Variants in DMD observed in about 807,000 individuals in gnomAD.
The protein encoded by DMD is mutant dystrophin.
A neutral mutation model predicts 330.1 loss-of-function variants in DMD; 63 were observed. The observed-to-expected ratio is 0.19, with a 90% CI of 0.16 to 0.24. DMD has a LOEUF of 0.24. Ranked by LOEUF, DMD falls within the 10% of genes least tolerant of loss-of-function variation. The probability of loss-of-function intolerance (pLI) is 1.00; values close to 1 mark genes in which losing one functional copy is unlikely to be tolerated. For synonymous variants in DMD, 1,223 were observed against 959.8 expected (o/e 1.27, Z -5.07); for missense variants, 3,344 against 2,684.1 (o/e 1.25, Z -5.43).
At chrX:32,620,654 T>C (rs1267010476) in intron 11 of DMD, among the ~76,000 whole-genome samples, 1 of 112,096 alleles carries the variant, frequency 8.9e-6, no homozygotes, top group Non-Finnish European at 1.9e-5. Flanking sequence ...CTTTTTGCTT[T>C]TGGACAGACA....
intron 7 of DMD, among the ~76,000 whole-genome samples, chrX:32,733,555 C>A: frequency 9.0e-6 from 1 of 111,369 alleles, no homozygotes. Flanking sequence ...GAAATTATAA[C>A]AAACTATCTC....
At chrX:32,332,037 T>G (rs772906096) in intron 41 of DMD, among the ~76,000 whole-genome samples, 1 of 111,833 alleles carries the variant, frequency 8.9e-6, no homozygotes, top group South Asian at 3.7e-4. Context: ...ATAGCTTGTC[T>G]TTATTTTTCC....
intron 59 of DMD, among the ~76,000 whole-genome samples, chrX:31,452,188 A>G (rs184654840): frequency 9.5e-6 from 1 of 105,398 alleles, no homozygotes; most frequent in Non-Finnish European, 1.9e-5. Context: ...TATTTTAACT[A>G]TGGTTTCTTC....
intron 47 of DMD, among the ~76,000 whole-genome samples, chrX:31,881,904 C>T (rs774967753): frequency 5.8e-4 from 65 of 111,683 alleles, no homozygotes; most frequent in Non-Finnish European, 1.0e-3. Flanking sequence ...TAATTCAGAC[C>T]GAAAAGTTAA....
intron 11 of DMD, among the ~76,000 whole-genome samples, chrX:32,631,913 C>A (rs1030197749): frequency 1.8e-5 from 2 of 111,226 alleles, no homozygotes; most frequent in African/African-American, 6.6e-5. Flanking sequence ...CCTGGCCCCT[C>A]CCAAATCTCA....
chrX:31,883,445 T>A (rs763652298), intron 47 of DMD, among the ~76,000 whole-genome samples: 17 of 111,425 alleles, frequency 1.5e-4, no homozygotes, highest in African/African-American at 5.5e-4. Flanking sequence ...TCTATTCTTA[T>A]GATTTGTGTA....
At chrX:32,459,271 T>A (rs2098374125) in intron 25 of DMD, among the ~76,000 whole-genome samples, 1 of 110,937 alleles carries the variant, frequency 9.0e-6, no homozygotes, top group Non-Finnish European at 1.9e-5. Context: ...TATACGCTTA[T>A]CCCCAAACTA....
intron 47 of DMD, among the ~76,000 whole-genome samples, chrX:31,885,638 G>GAA (rs759868987): frequency 8.6e-5 from 7 of 81,317 alleles, no homozygotes; most frequent in Admixed American, 1.5e-4. Context: ...AAAAAAAAAA[G>GAA]AAAAAAAAAG....
chrX:32,509,101 T>C (rs746452101), intron 18 of DMD, among the ~76,000 whole-genome samples: 6 of 107,541 alleles, frequency 5.6e-5, no homozygotes, highest in Admixed American at 2.0e-4. Context: ...TGAGCCACCG[T>C]GCCTGGCCAC....
chrX:32,575,922 A>T (rs808569), intron 13 of DMD, among the ~76,000 whole-genome samples: 29,357 of 111,290 alleles, frequency 0.26, 3,136 homozygotes, highest in East Asian at 0.72. Context: ...CTAGTGCTAC[A>T]AGACATATAG....
At chrX:33,072,113 G>C (rs1274374586) in intron 1 of DMD, among the ~76,000 whole-genome samples, 1 of 112,001 alleles carries the variant, frequency 8.9e-6, no homozygotes, top group African/African-American at 3.2e-5. Context: ...AAAGGCATGT[G>C]ATGGTTAAGA....
chrX:31,206,045 A>G (rs1258400952), intron 66 of DMD, among the ~76,000 whole-genome samples: 1 of 112,589 alleles, frequency 8.9e-6, no homozygotes, highest in Non-Finnish European at 1.9e-5. Flanking sequence ...ATCAAAAGGA[A>G]ATTCTGTAGG....
At chrX:31,529,916 T>G (rs1315073458) in intron 55 of DMD, among the ~76,000 whole-genome samples, 1 of 104,683 alleles carries the variant, frequency 9.6e-6, no homozygotes, top group Admixed American at 1.1e-4. Context: ...AAAAAAAGAA[T>G]GCGAGTGAAT....
At chrX:32,768,930 A>C (rs982068416) in intron 7 of DMD, among the ~76,000 whole-genome samples, 11 of 111,903 alleles carry the variant, frequency 9.8e-5, no homozygotes, top group African/African-American at 3.6e-4. Flanking sequence ...TTTCATGAGC[A>C]CACATCCCCT....
chrX:32,264,780 T>A (rs1435104553), intron 43 of DMD, among the ~76,000 whole-genome samples: 1 of 111,733 alleles, frequency 8.9e-6, no homozygotes, highest in Non-Finnish European at 1.9e-5. Flanking sequence ...CTGTGGAATT[T>A]TGAACATGAG....
At chrX:32,230,829 ATAGT>A (rs2097166626) in intron 43 of DMD, among the ~76,000 whole-genome samples, 2 of 112,006 alleles carry the variant, frequency 1.8e-5, no homozygotes, top group Admixed American at 9.5e-5. Flanking sequence ...TTCTGAGCCC[ATAGT>A]AAGTGCTCAA....
intron 25 of DMD, among the ~76,000 whole-genome samples, chrX:32,460,116 GA>G (rs11356184): frequency 0.074 from 7,947 of 107,417 alleles, 716 homozygotes; most frequent in African/African-American, 0.24. Flanking sequence ...ATTAATATAT[GA>G]AAAAAAAATT....
At chrX:32,998,291 C>G (rs2093178588) in intron 2 of DMD, among the ~76,000 whole-genome samples, 1 of 102,029 alleles carries the variant, frequency 9.8e-6, no homozygotes, top group Non-Finnish European at 2.0e-5. Context: ...ATGGCTCAAA[C>G]CCGGGAGGTT....
intron 55 of DMD, among the ~76,000 whole-genome samples, chrX:31,611,495 G>A (rs1220721858): frequency 8.9e-6 from 1 of 111,817 alleles, no homozygotes; most frequent in Non-Finnish European, 1.9e-5. Context: ...AAGAAGCTGT[G>A]CCTTTTTAAG....
Sources: allele counts gnomAD v4.1 joint callset (sites outside exome capture counted in the v4.1 genomes callset), GRCh38; gene constraint gnomAD v4.1.1; transcripts MANE v1.5; gene names NCBI Gene and HGNC (gene_info 2026-07-23, HGNC 2026-07-21).